LMNTD2: variants seen among roughly 807,000 people sequenced by gnomAD.
The protein encoded by LMNTD2 is lamin tail domain-containing protein 2.
A neutral mutation model predicts 70.1 loss-of-function variants in LMNTD2; 83 were observed. That is an observed-to-expected ratio of 1.18 (90% CI 0.99 to 1.42). The LOEUF is 1.42. LMNTD2 is among the 40% of genes most tolerant of loss of function. The pLI is 0.00. For missense variants in LMNTD2, 1,153 were observed against 905.9 expected (o/e 1.27, Z -3.50); for synonymous variants, 534 against 406.1 (o/e 1.31, Z -3.79).
intron 5 of LMNTD2, 78 bp from the exon 6 acceptor site, chr11:557,718 T>A (rs1427203946): frequency 6.9e-6 from 11 of 1,604,916 alleles, no homozygotes; most frequent in Non-Finnish European, 9.4e-6. Context: ...ACCTCACCTG[T>A]GCTTTGAGGC....
chr11:555,549 C>G, intron 12 of LMNTD2, 46 bp from the exon 13 acceptor site: 1 of 1,316,834 alleles, frequency 7.6e-7, no homozygotes, highest in Non-Finnish European at 9.7e-7. Flanking sequence ...CCGGGAAAGG[C>G]GGCCCTAGAG....
chr11:556,339 C>A lies in LMNTD2; in HGVS notation c.1110G>T (p.Arg370=). ...GGTTGAAGATGCGGACGAACTTCTC[C>A]CGGCAGCTCACAGCCACGATCTTCA... ...TGLKIVAVSC[R]EKFVRIFNPS... is the part of the protein sequence containing the mutation. The change falls in exon 10 of 14, where the codon CGG becomes CGT. Residue 370 remains arginine (R), a synonymous_variant. Transcript: ENST00000329451. 1.3e-6 allele frequency: 2 copies of A among 1,535,906 alleles called. No individual in the cohort carries two copies. Among genetic ancestry groups the A allele is most frequent in the South Asian group, 2.4e-5 (2 of 84,000 alleles).
intron 1 of LMNTD2, chr11:560,402 C>A: frequency 6.5e-6 from 8 of 1,222,072 alleles, no homozygotes; most frequent in Non-Finnish European, 8.2e-6. Flanking sequence ...TGAGCGGGCA[C>A]CTCCCGCACC....
chr11:555,984 A>G lies in LMNTD2; in HGVS notation c.1377+12T>C, dbSNP rs372220032. On this transcript the variant is annotated intron_variant, in intron 11 of 13. Transcript: ENST00000329451. ...CCCAGCCCCGGCCGCCCCACCGGGG[A>G]CCCGCACCGACCTCGCCCTTGGGGC... 1 of 1,557,318 alleles carries G rather than the reference A, an allele frequency of 6.4e-7. No individual in the cohort carries two copies.
chr11:556,093 C>T lies in LMNTD2; in HGVS notation c.1280G>A (p.Ser427Asn), dbSNP rs201667162. Reference sequence around the variant, plus strand: ...GGACGCGCGCAGCGGCTTCTTGGCGCTGCGGGTCGCCTCGCCCCAGACCTG... The same window carrying T: ...GGACGCGCGCAGCGGCTTCTTGGCGTTGCGGGTCGCCTCGCCCCAGACCTG... ...HVTVWGEATR[S>N]AKKPLRASSS... The change falls in exon 11 of 14, where the codon AGC becomes AAC. Residue 427 changes from serine (S) to asparagine (N), a missense_variant. Ser to Asn is a conservative substitution (Grantham distance 46). Transcript: ENST00000329451. 1.6e-3 allele frequency: 2,445 copies of T among 1,528,746 alleles called. 7 individuals carry two copies. The highest frequency in any genetic ancestry group is 2.5e-3 in the South Asian group (213 of 83,540). The allele number at this position is 1,528,746 out of a possible 1,614,324, so 94.7% of individuals were successfully genotyped here.
chr11:555,083 C>T lies in LMNTD2; in HGVS notation c.1802G>A (p.Cys601Tyr). Residue 601 changes from cysteine (C) to tyrosine (Y), a missense_variant, in exon 14 of 14, where the codon TGC (cysteine) becomes TAC (tyrosine). Transcript: ENST00000329451. ...RVCRKSVDRSCPLVALSVQNT... is the reference protein window; with the variant it reads ...RVCRKSVDRSYPLVALSVQNT... ...CTGCACCGACAGGGCCACCAGGGGGCAGCTACGGTCCACGCTCTTCCGGCA... is the reference window on the plus strand; with the variant it reads ...CTGCACCGACAGGGCCACCAGGGGGTAGCTACGGTCCACGCTCTTCCGGCA... 1 of 1,571,886 alleles carries T rather than the reference C, an allele frequency of 6.4e-7. No individual in the cohort carries two copies. The highest frequency in any genetic ancestry group is 8.6e-7 in the Non-Finnish European group (1 of 1,163,790).
In LMNTD2 at chr11:556,929, G is replaced by A. The variant is rs750637182; in HGVS notation, c.882C>T (p.Ser294=). ...DSSSCRPGLP[S]FVQVIGHPPR... ...GCGGGTGCCCTATCACCTGCACGAA[G>A]GAAGGCAGGCCCGGCCGGCAGCTGC... Residue 294 remains serine (S), a synonymous_variant, in exon 8 of 14, where the codon TCC becomes TCT. Coordinates refer to ENST00000329451, the MANE Select transcript of LMNTD2 (RefSeq NM_173573.3). The A allele has an allele frequency of 2.5e-6, 4 of 1,600,020 alleles. No homozygotes were observed. Among genetic ancestry groups the A allele is most frequent in the African/African-American group, 1.3e-5 (1 of 74,844 alleles).
chr11:555,661 G>T, intron 12 of LMNTD2, 73 bp downstream of exon 12: 1 of 1,322,236 alleles, frequency 7.6e-7, no homozygotes, highest in Non-Finnish European at 9.7e-7. Flanking sequence ...CTAGCGAGGG[G>T]ATACGAGGGA....
Position 555,812 on chromosome 11 carries a change from G to A in LMNTD2, c.1496C>T (p.Thr499Ile), listed in dbSNP as rs899746121. 4 of 1,530,890 alleles carry A rather than the reference G, an allele frequency of 2.6e-6. No individual in the cohort carries two copies. The highest frequency in any genetic ancestry group is 3.5e-6 in the Non-Finnish European group (4 of 1,150,082). 94.8% of individuals were successfully genotyped at this position (1,530,890 alleles called of 1,614,324 possible). A position where few individuals can be genotyped will look rare whatever the true frequency, so the allele number is the denominator to read the frequency against. ...PLPEAGPGAD[T>I]RKPPRPPRPL... ...TCGAGGTGGGCGCGGCGGCTTGCGGGTGTCGGCGCCGGGCCCGGCCTCAGG... is the reference window on the plus strand; with the variant it reads ...TCGAGGTGGGCGCGGCGGCTTGCGGATGTCGGCGCCGGGCCCGGCCTCAGG... Residue 499 changes from threonine to isoleucine, a missense_variant, in exon 12 of 14, where the codon ACC becomes ATC. By Grantham distance (89) the Thr-to-Ile change is moderately conservative. Coordinates refer to ENST00000329451, the MANE Select transcript of LMNTD2 (RefSeq NM_173573.3).
Position 558,988 on chromosome 11 carries a change from GA to G in LMNTD2, c.35-10del, listed in dbSNP as rs762907909. The G allele has an allele frequency of 6.3e-7, 1 of 1,598,192 alleles. No individual in the cohort carries two copies. The highest frequency in any genetic ancestry group is 8.5e-7 in the Non-Finnish European group (1 of 1,178,572). ...ACTGACCGACTCTTGCTCTGTGGGG[GA>G]CAGGAGAGCCTCTTCCTCGGTTTCT... On this transcript the variant is annotated splice_polypyrimidine_tract_variant and intron_variant, in intron 1 of 13. Transcript: ENST00000329451.
rs761953993 is a variant in LMNTD2, at chr11:556,329, C to A, written c.1120G>T (p.Val374Phe). Residue 374 changes from valine (V) to phenylalanine (F), a missense_variant, in exon 10 of 14, where the codon GTC becomes TTC. By Grantham distance (50) the Val-to-Phe change is conservative. Coordinates refer to ENST00000329451, the MANE Select transcript of LMNTD2 (RefSeq NM_173573.3). Reference sequence around the variant, plus strand: ...TCCTGCGACGGGTTGAAGATGCGGACGAACTTCTCCCGGCAGCTCACAGCC... The same window carrying A: ...TCCTGCGACGGGTTGAAGATGCGGAAGAACTTCTCCCGGCAGCTCACAGCC... ...IVAVSCREKFVRIFNPSQEST... is the reference protein window; with the variant it reads ...IVAVSCREKFFRIFNPSQEST... 9.8e-6 allele frequency: 15 copies of A among 1,535,620 alleles called. No homozygotes were observed. Among genetic ancestry groups the A allele is most frequent in the Non-Finnish European group, 1.3e-5 (15 of 1,146,608 alleles).
At position 558,176 on chromosome 11, in the gene LMNTD2, C is replaced by T. The variant is rs766041576; in HGVS notation, c.384G>A (p.Lys128=). Reference sequence around the variant, plus strand: ...CCTGCCTCACCCACTGGGCTCGCTCCTTCTGTTCCTTCAACTCCTGGATCA... The same window carrying T: ...CCTGCCTCACCCACTGGGCTCGCTCTTTCTGTTCCTTCAACTCCTGGATCA... ...QKLIQELKEQ[K]ERAQWEKEHL... is the part of the protein sequence containing the mutation. Residue 128 remains lysine, a synonymous_variant, in exon 4 of 14, where the codon AAG becomes AAA. Coordinates refer to ENST00000329451, the MANE Select transcript of LMNTD2 (RefSeq NM_173573.3). The T allele has an allele frequency of 2.5e-6, 4 of 1,613,562 alleles. No individual in the cohort carries two copies. Among genetic ancestry groups the T allele is most frequent in the Middle Eastern group, 1.7e-4 (1 of 6,060 alleles).
chr11:557,633 G>T lies in LMNTD2; in HGVS notation c.563C>A (p.Thr188Lys), dbSNP rs138095963. The change falls in exon 6 of 14, where the codon ACG (threonine) becomes AAG (lysine). Residue 188 changes from threonine (T) to lysine (K), a missense_variant. Transcript: ENST00000329451. ...GCTTGGGTCCATCAGAGTCTCTGCC[G>T]TCACTACCTGCAAGAGGGGACCGGA... ...RSQTGSVEVVTAETLMDPSDL... is the reference protein window; with the variant it reads ...RSQTGSVEVVKAETLMDPSDL... The T allele has an allele frequency of 3.7e-6, 6 of 1,613,094 alleles. No homozygotes were observed. The highest frequency in any genetic ancestry group is 4.2e-6 in the Non-Finnish European group (5 of 1,179,862).
In LMNTD2 at chr11:557,065, C is replaced by G. The variant is rs1160023934; in HGVS notation, c.746G>C (p.Gly249Ala). 1.2e-6 allele frequency: 2 copies of G among 1,606,228 alleles called. No individual in the cohort carries two copies. Among genetic ancestry groups the G allele is most frequent in the African/African-American group, 2.7e-5 (2 of 74,832 alleles). Residue 249 changes from glycine to alanine, a missense_variant, in exon 8 of 14, where the codon GGG becomes GCG. By Grantham distance (60) the Gly-to-Ala change is moderately conservative. Transcript: ENST00000329451. ...QPRPWPQLDT[G>A]SPESSGKHSE... The stretch of plus-strand genomic sequence containing the variant: ...ATGCTTTCCAGAGGACTCTGGGCTC[C>G]CTGTGTCCAGCTGTGGCCAGGGCCG...
At chr11:558,481 G>A (rs1853049907) in intron 3 of LMNTD2, 133 bp downstream of exon 3, 2 of 1,225,808 alleles carry the variant, frequency 1.6e-6, no homozygotes, top group African/African-American at 3.0e-5. Flanking sequence ...CTTAGGATCA[G>A]GGTGGAGGGT....
intron 13 of LMNTD2, 92 bp from the exon 14 acceptor site, chr11:555,203 G>GGAGGGGCGGGGAGGAGAGT: frequency 2.0e-6 from 1 of 504,750 alleles, no homozygotes; most frequent in Non-Finnish European, 2.6e-6. Context: ...GGAGGAGAGC[G>GGAGGGGCGGGGAGGAGAGT]GAGGGGAGGG....
At position 554,879 on chromosome 11, in the gene LMNTD2, T is replaced by C. The variant is rs1852684070; in HGVS notation, c.*101A>G. 2.5e-6 allele frequency: 2 copies of C among 816,088 alleles called. No homozygotes were observed. The highest frequency in any genetic ancestry group is 3.6e-6 in the Non-Finnish European group (2 of 557,724). The allele number at this position is 816,088 out of a possible 1,614,324, so 50.6% of individuals were successfully genotyped here. A position where few individuals can be genotyped will look rare whatever the true frequency, so the allele number is the denominator to read the frequency against. ...GTGTACAGAAATGCGGTTTACTTTG[T>C]AGGCCACGTTGGTTCAATAAATGAT... On this transcript the variant is annotated 3_prime_UTR_variant, in exon 14 of 14. Coordinates refer to ENST00000329451, the MANE Select transcript of LMNTD2 (RefSeq NM_173573.3).
Position 559,358 on chromosome 11 carries a change from C to A in LMNTD2, c.35-379G>T, listed in dbSNP as rs781332777. 1.0e-5 allele frequency: 14 copies of A among 1,342,690 alleles called. No individual in the cohort carries two copies. In the South Asian group the frequency reaches 1.7e-4, roughly 17 times the overall value. 83.2% of individuals were successfully genotyped at this position (1,342,690 alleles called of 1,614,324 possible). ...CCCCCAGCACTCACCTGAGGCCCGACCTCCAAGCAGGCCTGGGAGGGAAGG... is the reference window on the plus strand; with the variant it reads ...CCCCCAGCACTCACCTGAGGCCCGAACTCCAAGCAGGCCTGGGAGGGAAGG... On this transcript the variant is annotated intron_variant, in intron 1 of 13. Transcript: ENST00000329451.
Position 557,116 on chromosome 11 carries a change from T to C in LMNTD2, c.714-19A>G. On this transcript the variant is annotated intron_variant, in intron 7 of 13. Coordinates refer to ENST00000329451, the MANE Select transcript of LMNTD2 (RefSeq NM_173573.3). Reference sequence around the variant, plus strand: ...GGGCTGCCTGTGGACCACGCTCTGCTTGATGGCCACTCCAGCTCCAGACCC... The same window carrying C: ...GGGCTGCCTGTGGACCACGCTCTGCCTGATGGCCACTCCAGCTCCAGACCC... The C allele has an allele frequency of 3.2e-6, 5 of 1,568,820 alleles. No homozygotes were observed. Among genetic ancestry groups the C allele is most frequent in the Non-Finnish European group, 4.3e-6 (5 of 1,154,700 alleles).
Sources: gnomAD v4.1 joint callset for allele counts on GRCh38, gnomAD v4.1.1 for gene constraint, MANE v1.5 for transcripts, NCBI Gene and HGNC (gene_info 2026-07-23, HGNC 2026-07-21) for gene names.